Variants in CSRNP3 observed in about 807,000 individuals in gnomAD.
CSRNP3 encodes cysteine and serine rich nuclear protein 3, also known as cysteine/serine-rich nuclear protein 3.
Under a neutral mutation model 48.0 loss-of-function variants are expected in CSRNP3, and 12 were observed. The observed-to-expected ratio is 0.25, with a 90% CI of 0.16 to 0.41. The LOEUF (loss-of-function observed/expected upper bound fraction) is 0.41. Ranked by LOEUF, CSRNP3 falls within the 10% of genes least tolerant of loss-of-function variation. The pLI, the probability that CSRNP3 is intolerant of heterozygous loss-of-function variation, is 1.00. For missense variants in CSRNP3, 580 were observed against 724.4 expected, an observed-to-expected ratio of 0.80 and a Z score of 2.29; for synonymous variants, 263 against 269.7, an observed-to-expected ratio of 0.98 and a Z score of 0.24.
chr2:165,650,423 G>A (rs547067266), intron 4 of CSRNP3, among the ~76,000 whole-genome samples: 23 of 152,324 alleles, frequency 1.5e-4, no homozygotes, highest in Admixed American at 1.2e-3. Context: ...ATCATGTCAA[G>A]TTGGAGAAGC....
rs1360356044 is a variant in CSRNP3 at position 165,674,349 on chromosome 2, TG to T, written c.409-1962del. ...TACCTATCACAGAGGATCGAGTGTA[TG>T]TTAGGCAATTATAACTTGAATTCCT... is the stretch of plus-strand genomic sequence containing the variant. On this transcript the variant is annotated intron_variant, in intron 5 of 6. Transcript: ENST00000651982. 2.6e-5 allele frequency among the ~76,000 whole-genome samples: 4 copies of T among 152,156 alleles called. No individual in the cohort carries two copies. The East Asian group carries it at 7.8e-4, about 29-fold the overall frequency.
intron 1 of CSRNP3, among the ~76,000 whole-genome samples, chr2:165,476,947 T>C (rs1031788174): frequency 6.6e-6 from 1 of 152,186 alleles, no homozygotes; most frequent in Non-Finnish European, 1.5e-5. Context: ...TCCTCAGTAT[T>C]TGTAATGACT....
In CSRNP3 at chr2:165,681,726, CATATATATATATATATATATAT is replaced by C. The variant is rs1159941595; in HGVS notation, c.*1987_*2008del. The C allele has an allele frequency of 2.1e-5, 2 of 93,690 alleles. No homozygotes were observed. The highest frequency in any genetic ancestry group is 4.6e-5 in the African/African-American group (1 of 21,644). The allele number at this position is 93,690 out of a possible 1,614,324, so 5.8% of individuals were successfully genotyped here. On this transcript the variant is annotated 3_prime_UTR_variant, in exon 7 of 7. Coordinates refer to ENST00000651982, the MANE Select transcript of CSRNP3 (RefSeq NM_001172173.2). ...AGGATTTGTTGAAATCTCAAATATA[CATATATATATATATATATATAT>C]ATATATATATATACACACACACACA...
At chr2:165,520,771 TATATATATA>T (rs1301586964) in intron 3 of CSRNP3, among the ~76,000 whole-genome samples, 71 of 58,998 alleles carry the variant, frequency 1.2e-3, no homozygotes, top group East Asian at 5.7e-3. Context: ...AGAAATATAT[TATATATATA>T]TATTATATAT....
At chr2:165,626,753 A>G (rs557384195) in intron 4 of CSRNP3, among the ~76,000 whole-genome samples, 5 of 152,274 alleles carry the variant, frequency 3.3e-5, no homozygotes, top group African/African-American at 1.2e-4. Context: ...ACCCTTTCTC[A>G]TAGGTGAAAG....
intron 4 of CSRNP3, among the ~76,000 whole-genome samples, chr2:165,614,081 AT>A (rs1013649997): frequency 1.4e-4 from 21 of 152,104 alleles, no homozygotes; most frequent in African/African-American, 5.1e-4. Context: ...TTCATCAGAC[AT>A]TTCTTCAATG....
chr2:165,528,852 A>C (rs78659826), intron 3 of CSRNP3, among the ~76,000 whole-genome samples: 7,782 of 152,300 alleles, frequency 0.051, 322 homozygotes, highest in Non-Finnish European at 0.079. Flanking sequence ...TGGGTCTGGC[A>C]GGAGCTGGGG....
At chr2:165,646,845 TA>T (rs1292518769) in intron 4 of CSRNP3, among the ~76,000 whole-genome samples, 2 of 151,996 alleles carry the variant, frequency 1.3e-5, no homozygotes, top group African/African-American at 4.8e-5. Flanking sequence ...TTTTTCCCAA[TA>T]AAAAAAGATA....
rs143780154 is a variant in CSRNP3 at position 165,532,914 on chromosome 2, T to C, written c.-24+14953T>C. ...AATCACAAGCATTCTTATACACCAA[T>C]AACAGACAAACAGAGAGCCAAATCA... On this transcript the variant is annotated intron_variant, in intron 3 of 6. Transcript: ENST00000651982. Among the ~76,000 whole-genome samples, 131 of 151,916 alleles carry C rather than the reference T, an allele frequency of 8.6e-4. 1 individual carries two copies. In the South Asian group the frequency reaches 0.024, roughly 28 times the overall value.
intron 1 of CSRNP3, among the ~76,000 whole-genome samples, chr2:165,485,014 T>C (rs1684093967): frequency 6.6e-6 from 1 of 152,216 alleles, no homozygotes; most frequent in African/African-American, 2.4e-5. Flanking sequence ...GATTATTCTG[T>C]GTCTTAATCA....
rs919186572 is a variant in CSRNP3, at chr2:165,681,385, T to G, written c.*1632T>G. 1 of 152,066 alleles carries G rather than the reference T, an allele frequency of 6.6e-6. No homozygotes were observed. Among genetic ancestry groups the G allele is most frequent in the Admixed American group, 6.6e-5 (1 of 15,248 alleles). 9.4% of individuals were successfully genotyped at this position (152,066 alleles called of 1,614,324 possible). Reference sequence around the variant, plus strand: ...TTTTAGACTTGGGTGTTTAGAATTATGGATATAAATATATTGTAGATCTCA... The same window carrying G: ...TTTTAGACTTGGGTGTTTAGAATTAGGGATATAAATATATTGTAGATCTCA... On this transcript the variant is annotated 3_prime_UTR_variant, in exon 7 of 7. Transcript: ENST00000651982.
chr2:165,638,510 G>A (rs1686671060), intron 4 of CSRNP3, among the ~76,000 whole-genome samples: 1 of 151,612 alleles, frequency 6.6e-6, no homozygotes, highest in Non-Finnish European at 1.5e-5. Flanking sequence ...CCTTACTACT[G>A]ATTCCTATAT....
chr2:165,514,639 G>A (rs1168612438), intron 2 of CSRNP3, among the ~76,000 whole-genome samples: 1 of 152,238 alleles, frequency 6.6e-6, no homozygotes, highest in Admixed American at 6.5e-5. Context: ...ATTGTGCACA[G>A]AACAGGCATT....
At chr2:165,616,884 G>T (rs1227794797) in intron 4 of CSRNP3, among the ~76,000 whole-genome samples, 1 of 151,818 alleles carries the variant, frequency 6.6e-6, no homozygotes, top group East Asian at 1.9e-4. Flanking sequence ...GTCTGACTGG[G>T]TTATTTCAAA....
rs1485786971 is a variant in CSRNP3 at position 165,574,676 on chromosome 2, G to A, written c.-23-20367G>A. ...GGCTTCTAAATAATTCCATTTCGGGGGTAAGTTCTTTATTGAAGAGAGATC... is the reference window on the plus strand; with the variant it reads ...GGCTTCTAAATAATTCCATTTCGGGAGTAAGTTCTTTATTGAAGAGAGATC... On this transcript the variant is annotated intron_variant, in intron 3 of 6. Coordinates refer to ENST00000651982, the MANE Select transcript of CSRNP3 (RefSeq NM_001172173.2). Among the ~76,000 whole-genome samples, 3 of 152,086 alleles carry A rather than the reference G, an allele frequency of 2.0e-5. No individual in the cohort carries two copies. The East Asian group carries it at 5.8e-4, about 29-fold the overall frequency.
In CSRNP3 at chr2:165,679,418, G is replaced by A. The variant is rs1160851991; in HGVS notation, c.1423G>A (p.Glu475Lys). The A allele has an allele frequency of 6.2e-7, 1 of 1,612,868 alleles. No individual in the cohort carries two copies. Among genetic ancestry groups the A allele is most frequent in the Non-Finnish European group, 8.5e-7 (1 of 1,179,570 alleles). ...GCTGGTGCCTTACACCATGACCCCG[G>A]AGCAATTCGTTGACTATGCCCGACA... ...LSLVPYTMTP[E>K]QFVDYARQAE... The change falls in exon 7 of 7, where the codon GAG becomes AAG. Residue 475 changes from glutamate to lysine, a missense_variant. Glu to Lys is a moderately conservative substitution (Grantham distance 56). This residue lies in a region of CSRNP3 where 369 missense variants were observed against 380.8 expected (regional missense o/e 0.97). Transcript: ENST00000651982.
At chr2:165,622,689 A>T (rs1221402520) in intron 4 of CSRNP3, among the ~76,000 whole-genome samples, 2 of 152,214 alleles carry the variant, frequency 1.3e-5, no homozygotes, top group Non-Finnish European at 2.9e-5. Flanking sequence ...GATAAGAAAG[A>T]AATGGTAGAA....
chr2:165,528,684 A>T (rs1173684105), intron 3 of CSRNP3, among the ~76,000 whole-genome samples: 1 of 152,038 alleles, frequency 6.6e-6, no homozygotes, highest in African/African-American at 2.4e-5. Flanking sequence ...CTATTGGTCA[A>T]TTTTTCCATT....
intron 3 of CSRNP3, among the ~76,000 whole-genome samples, chr2:165,580,703 A>G (rs915562151): frequency 8.5e-5 from 13 of 152,200 alleles, no homozygotes; most frequent in South Asian, 4.1e-4. Flanking sequence ...ATTATCTTAA[A>G]TAGCCTTTGA....
Sources: gnomAD v4.1 joint callset for allele counts (sites outside exome capture counted in the v4.1 genomes callset) on GRCh38, gnomAD v4.1.1 for gene constraint, gnomAD v4.1.1 regional missense constraint, MANE v1.5 for transcripts, NCBI Gene and HGNC (gene_info 2026-07-23, HGNC 2026-07-21) for gene names.